KIAA0319L: variants seen among roughly 807,000 people sequenced by gnomAD.
The protein encoded by KIAA0319L is KIAA0319 like.
A neutral mutation model predicts 120.1 loss-of-function variants in KIAA0319L; 55 were observed. The ratio of observed to expected loss-of-function variants is 0.46; its 90% CI spans 0.37 to 0.57. KIAA0319L has a LOEUF of 0.57. KIAA0319L is among the 20% of genes least tolerant of loss of function. The pLI, the probability that KIAA0319L is intolerant of heterozygous loss-of-function variation, is 0.00. For synonymous variants in KIAA0319L, 398 were observed against 471.9 expected (o/e 0.84, Z 2.03); for missense variants, 1,049 against 1,255.3 (o/e 0.84, Z 2.48).
intron 12 of KIAA0319L, among the ~76,000 whole-genome samples, chr1:35,452,173 A>C (rs967297540): frequency 6.6e-6 from 1 of 152,248 alleles, no homozygotes; most frequent in Non-Finnish European, 1.5e-5. Flanking sequence ...GCAAGGAAGC[A>C]AAATGCATTT....
intron 2 of KIAA0319L, among the ~76,000 whole-genome samples, chr1:35,535,096 TAAA>T (rs56965473): frequency 1.8e-5 from 1 of 56,328 alleles, no homozygotes; most frequent in East Asian, 2.9e-4. Flanking sequence ...GACTCCGTCT[TAAA>T]AAAAAAAAAA....
At chr1:35,440,634 G>C (rs1323691387) in intron 20 of KIAA0319L, 1 of 180,864 alleles carries the variant, frequency 5.5e-6, no homozygotes, top group Non-Finnish European at 1.2e-5. Context: ...AGGAGAACAA[G>C]GCTGGCTGAA....
intron 4 of KIAA0319L, among the ~76,000 whole-genome samples, chr1:35,475,173 T>C (rs1643863936): frequency 1.3e-5 from 2 of 152,224 alleles, no homozygotes; most frequent in African/African-American, 4.8e-5. Flanking sequence ...GCTTCTACTA[T>C]TGCTAACTGC....
chr1:35,436,022 A>G (rs931003137), intron 20 of KIAA0319L, among the ~76,000 whole-genome samples: 5 of 152,144 alleles, frequency 3.3e-5, no homozygotes, highest in Non-Finnish European at 5.9e-5. Flanking sequence ...AAAAAAGGTA[A>G]CCAGTCAGGT....
At position 35,506,696 on chromosome 1, in the gene KIAA0319L, G is replaced by A. The variant is rs199549282; in HGVS notation, c.582C>T (p.Asp194=). The A allele has an allele frequency of 4.3e-5, 70 of 1,614,146 alleles. No individual in the cohort carries two copies. In the African/African-American group the frequency reaches 6.8e-4, roughly 16 times the overall value. Residue 194 remains aspartate (D), a synonymous_variant, in exon 3 of 21, where the codon GAC becomes GAT. Coordinates refer to ENST00000325722, the MANE Select transcript of KIAA0319L (RefSeq NM_024874.5). This position sits in a 1 kb window ranked among gnomAD's most constrained non-coding sequence, Gnocchi z 4.0. ...GCTGTGTCACTATAGGTGTAACTAC[G>A]TCACTGGGACTACCTCTCTTCTGAA... ...RKLQKRGSPS[D]VVTPIVTQHS...
chr1:35,477,311 T>C (rs1643928664), intron 4 of KIAA0319L, among the ~76,000 whole-genome samples: 1 of 152,160 alleles, frequency 6.6e-6, no homozygotes, highest in Admixed American at 6.5e-5. Context: ...GACCTACAAA[T>C]GGCAAACAGG....
chr1:35,535,096 TAAAAAAAAA>T (rs56965473), intron 2 of KIAA0319L, among the ~76,000 whole-genome samples: 19 of 56,330 alleles, frequency 3.4e-4, no homozygotes, highest in Admixed American at 1.3e-3. Context: ...GACTCCGTCT[TAAAAAAAAA>T]AAAAAAAAAA....
chr1:35,477,396 G>A lies in KIAA0319L; in HGVS notation c.913+1570C>T, dbSNP rs184090957. 9.4e-3 allele frequency among the ~76,000 whole-genome samples: 1,437 copies of A among 152,244 alleles called. 23 individuals are homozygous for A. The highest frequency in any genetic ancestry group is 0.037 in the South Asian group (177 of 4,830). ...AAACTACAATGAGATGGCCGGGCGC[G>A]GTGGCTCACGCCTGTAATCCCAGCA... On this transcript the variant is annotated intron_variant, in intron 4 of 20. Transcript: ENST00000325722.
chr1:35,442,795 GTTC>G, intron 18 of KIAA0319L, 108 bp downstream of exon 18: 6 of 1,318,330 alleles, frequency 4.6e-6, no homozygotes, highest in East Asian at 4.7e-5. Flanking sequence ...AATACACAAA[GTTC>G]TTCTCCTTGC....
At position 35,454,491 on chromosome 1, in the gene KIAA0319L, A is replaced by G; in HGVS notation, c.1657-6T>C. 1 of 1,612,838 alleles carries G rather than the reference A, an allele frequency of 6.2e-7. No individual in the cohort carries two copies. Among genetic ancestry groups the G allele is most frequent in the African/African-American group, 1.3e-5 (1 of 75,036 alleles). On this transcript the variant is annotated splice_polypyrimidine_tract_variant and splice_region_variant and intron_variant, in intron 10 of 20. Transcript: ENST00000325722. ...AAGGTTGGTGTTCTAACACCCTACAAATACAAATACAGAAGTGGAAAAGTG... is the reference window on the plus strand; with the variant it reads ...AAGGTTGGTGTTCTAACACCCTACAGATACAAATACAGAAGTGGAAAAGTG...
At chr1:35,545,092 G>A (rs1646932139) in intron 2 of KIAA0319L, among the ~76,000 whole-genome samples, 2 of 152,246 alleles carry the variant, frequency 1.3e-5, no homozygotes. Context: ...AGTCCAGTGG[G>A]AGGGTCCCCT....
intron 19 of KIAA0319L, among the ~76,000 whole-genome samples, chr1:35,441,604 T>C (rs1027093410): frequency 6.6e-6 from 1 of 152,198 alleles, no homozygotes; most frequent in African/African-American, 2.4e-5. Flanking sequence ...TGATGTACCT[T>C]TCCTGAGCCT....
chr1:35,535,091 C>A lies in KIAA0319L; in HGVS notation c.142+19259G>T, dbSNP rs531268549. On this transcript the variant is annotated intron_variant, in intron 2 of 20. Transcript: ENST00000325722. ...TAGCCTGGAAGACACAGCAAGACTC[C>A]GTCTTAAAAAAAAAAAAAAAAAAAA... 2.6e-5 allele frequency among the ~76,000 whole-genome samples: 3 copies of A among 117,366 alleles called. No homozygotes were observed. The East Asian group carries it at 8.2e-4, about 32-fold the overall frequency. The allele number at this position is 117,366 out of a possible 152,430, so 77.0% of individuals were successfully genotyped here. A position where few individuals can be genotyped will look rare whatever the true frequency, so the allele number is the denominator to read the frequency against.
intron 9 of KIAA0319L, among the ~76,000 whole-genome samples, chr1:35,456,720 A>G (rs1255622433): frequency 6.6e-6 from 1 of 151,936 alleles, no homozygotes; most frequent in East Asian, 1.9e-4. Context: ...CTGAGGCAAG[A>G]GAATTTCTTG....
chr1:35,534,581 C>G (rs578077107), intron 2 of KIAA0319L, among the ~76,000 whole-genome samples: 1 of 152,180 alleles, frequency 6.6e-6, no homozygotes, highest in African/African-American at 2.4e-5. Context: ...AATCGGTGGC[C>G]GGGCGCAGTG....
Position 35,449,384 on chromosome 1 carries a change from G to C in KIAA0319L, c.2353+483C>G, listed in dbSNP as rs988162316. On this transcript the variant is annotated intron_variant, in intron 15 of 20. Coordinates refer to ENST00000325722, the MANE Select transcript of KIAA0319L (RefSeq NM_024874.5). ...TTTCTGCAAAGCTGAAAAATGTAAA[G>C]AGCACTATTACTTTACCTTCCCTGG... Among the ~76,000 whole-genome samples the C allele has an allele frequency of 2.0e-5, 3 of 152,168 alleles. No individual in the cohort carries two copies. The East Asian group carries it at 5.8e-4, about 29-fold the overall frequency.
At chr1:35,500,852 A>G (rs1644979044) in intron 3 of KIAA0319L, among the ~76,000 whole-genome samples, 1 of 152,190 alleles carries the variant, frequency 6.6e-6, no homozygotes, top group African/African-American at 2.4e-5. Context: ...AGAGCTATAC[A>G]TGGCCTTCAG....
chr1:35,545,271 G>C (rs1646941214), intron 2 of KIAA0319L, among the ~76,000 whole-genome samples: 1 of 152,124 alleles, frequency 6.6e-6, no homozygotes, highest in Admixed American at 6.5e-5. Context: ...AGAGTGAAGA[G>C]TGAAGCAATC....
At chr1:35,551,484 A>G (rs1026320043) in intron 2 of KIAA0319L, among the ~76,000 whole-genome samples, 4 of 151,796 alleles carry the variant, frequency 2.6e-5, no homozygotes. Context: ...CGCCCGGCTA[A>G]TTTTTTGTAT....
Sources: gnomAD v4.1 joint callset for allele counts (sites outside exome capture counted in the v4.1 genomes callset) on GRCh38, gnomAD v4.1.1 for gene constraint, Gnocchi (gnomAD v3.1) non-coding constraint, MANE v1.5 for transcripts, NCBI Gene and HGNC (gene_info 2026-07-23, HGNC 2026-07-21) for gene names.